The following SLC12A3 variants were observed in gnomAD, a reference collection of about 807,000 sequenced individuals.
SLC12A3 encodes Na-Cl cotransporter.
SLC12A3 carries 104 observed loss-of-function variants against 121.0 expected under a neutral mutation model. The ratio of observed to expected loss-of-function variants is 0.86; its 90% CI spans 0.73 to 1.01. The LOEUF is 1.01. Among genes scored for constraint, SLC12A3 ranks in the 50% least tolerant of loss-of-function variants. The pLI is 0.00. For synonymous variants in SLC12A3, 536 were observed against 533.4 expected, an observed-to-expected ratio of 1.00 and a Z score of -0.07; for missense variants, 1,328 against 1,356.3, an observed-to-expected ratio of 0.98 and a Z score of 0.33.
In SLC12A3 at chr16:56,886,351, C is replaced by A; in HGVS notation, c.1926-13C>A. 1 of 1,604,794 alleles carries A rather than the reference C, an allele frequency of 6.2e-7. No homozygotes were observed. The highest frequency in any genetic ancestry group is 8.5e-7 in the Non-Finnish European group (1 of 1,171,720). On this transcript the variant is annotated splice_polypyrimidine_tract_variant and intron_variant, in intron 15 of 25. Transcript: ENST00000563236. ...CTCCTGATGGCTCCTGCCCTTTTCC[C>A]TTCCCTCCTCAGCCCCCAGTGCCTG...
intron 25 of SLC12A3, among the ~76,000 whole-genome samples, chr16:56,907,319 T>A (rs6499859): frequency 0.24 from 36,508 of 151,996 alleles, 6,534 homozygotes; most frequent in African/African-American, 0.51. Context: ...TTAGCCAGGC[T>A]TGGTGGTGCA....
intron 12 of SLC12A3, among the ~76,000 whole-genome samples, chr16:56,881,246 G>A (rs2055236388): frequency 6.6e-6 from 1 of 152,212 alleles, no homozygotes. Context: ...TGCCCTGATA[G>A]CCTAGTCACT....
At position 56,867,090 on chromosome 16, in the gene SLC12A3, T is replaced by C. The variant is rs916369738; in HGVS notation, c.303T>C (p.His101=). Residue 101 remains histidine (H), a synonymous_variant, in exon 2 of 26, where the codon CAT becomes CAC. Transcript: ENST00000563236. ...GCCAGCAGGAAGGCAGACACCTGCA[T>C]GCCCTGGCCTTTGACAGCCGGCCCA... ...SFLKQEGRHL[H]ALAFDSRPSH... 1 of 1,613,512 alleles carries C rather than the reference T, an allele frequency of 6.2e-7. No homozygotes were observed. The highest frequency in any genetic ancestry group is 8.5e-7 in the Non-Finnish European group (1 of 1,180,038).
intron 8 of SLC12A3, among the ~76,000 whole-genome samples, chr16:56,873,290 G>A (rs1052344175): frequency 6.0e-5 from 9 of 150,834 alleles, no homozygotes; most frequent in East Asian, 1.9e-4. Flanking sequence ...CCTCCTCCAC[G>A]CCTTTGCCTG....
At chr16:56,876,601 G>A (rs1306918223) in intron 8 of SLC12A3, among the ~76,000 whole-genome samples, 1 of 151,546 alleles carries the variant, frequency 6.6e-6, no homozygotes, top group African/African-American at 2.4e-5. Context: ...GGAGGTCCCA[G>A]CAGACCTGGG....
chr16:56,905,202 G>A (rs7188248), intron 25 of SLC12A3, among the ~76,000 whole-genome samples: 9,564 of 152,004 alleles, frequency 0.063, 1,047 homozygotes, highest in African/African-American at 0.22. Flanking sequence ...AGCTGGGCGT[G>A]GTGGTGCATA....
At chr16:56,868,210 G>C (rs1333069896) in intron 2 of SLC12A3, 87 bp from the exon 3 acceptor site, 50 of 1,290,930 alleles carry the variant, frequency 3.9e-5, no homozygotes, top group Non-Finnish European at 5.5e-5. Flanking sequence ...CTAGGTGCTC[G>C]ATACCCTGCC....
rs796098416 is a variant in SLC12A3, at chr16:56,905,169, GTC to G, written c.2924+711_2924+712del. Among the ~76,000 whole-genome samples the G allele has an allele frequency of 6.0e-4, 91 of 151,924 alleles. 2 individuals carry two copies. The highest frequency in any genetic ancestry group is 2.1e-3 in the African/African-American group (86 of 41,416). On this transcript the variant is annotated intron_variant, in intron 25 of 25. Coordinates refer to ENST00000563236, the MANE Select transcript of SLC12A3 (RefSeq NM_001126108.2). Reference sequence around the variant, plus strand: ...AGCCTGACCAACATGGAGAAACCCCGTCTCTACTAAAAATACAAAATTAGCTG... The same window carrying G: ...AGCCTGACCAACATGGAGAAACCCCGTCTACTAAAAATACAAAATTAGCTG...
At position 56,913,388 on chromosome 16, in the gene SLC12A3, ACC is replaced by A; in HGVS notation, c.3050_3051del (p.Thr1017IlefsTer21). ...LIRGNQENVL[T>X]FYCQ The stretch of plus-strand genomic sequence containing the variant: ...CCGAGGAAACCAGGAAAACGTGCTC[ACC>A]TTTTACTGCCAGTAACTCCAGGCTT... On this transcript the variant is annotated frameshift_variant, in exon 26 of 26. Coordinates refer to ENST00000563236, the MANE Select transcript of SLC12A3 (RefSeq NM_001126108.2). LOFTEE classifies it high-confidence loss of function. 1 of 1,614,144 alleles carries A rather than the reference ACC, an allele frequency of 6.2e-7. No individual in the cohort carries two copies. The highest frequency in any genetic ancestry group is 2.2e-5 in the East Asian group (1 of 44,892).
rs1381096727 is a variant in SLC12A3, at chr16:56,878,109, C to G, written c.1128C>G (p.Leu376=). The change falls in exon 9 of 26, where the codon CTC becomes CTG. Residue 376 remains leucine, a synonymous_variant. Coordinates refer to ENST00000563236, the MANE Select transcript of SLC12A3 (RefSeq NM_001126108.2). ...CTATAGCCATCCCCAAGGGGACCCTCATGGCCATTTTCTGGACGACCATTT... is the reference window on the plus strand; with the variant it reads ...CTATAGCCATCCCCAAGGGGACCCTGATGGCCATTTTCTGGACGACCATTT... ...DPAIAIPKGT[L]MAIFWTTISY... The G allele has an allele frequency of 1.3e-6, 2 of 1,591,798 alleles. No homozygotes were observed. Among genetic ancestry groups the G allele is most frequent in the African/African-American group, 2.8e-5 (2 of 71,920 alleles).
chr16:56,870,132 C>T lies in SLC12A3; in HGVS notation c.638C>T (p.Pro213Leu), dbSNP rs1266782505. 2 of 1,613,984 alleles carry T rather than the reference C, an allele frequency of 1.2e-6. No homozygotes were observed. The highest frequency in any genetic ancestry group is 2.2e-5 in the South Asian group (2 of 91,090). The change falls in exon 5 of 26, where the codon CCA becomes CTA. Residue 213 changes from proline (P) to leucine (L), a missense_variant. Transcript: ENST00000563236. The part of the protein sequence containing the change: ...TYFLISRSLG[P>L]ELGGSIGLIF... ...TTCCTCATCTCCCGGAGTCTGGGCC[C>T]AGAGCTTGGGGGCTCCATCGGCCTC...
intron 1 of SLC12A3, among the ~76,000 whole-genome samples, chr16:56,866,188 A>G (rs1968493): frequency 0.71 from 107,495 of 151,824 alleles, 38,063 homozygotes; most frequent in Middle Eastern, 0.8. Flanking sequence ...GTTTTGCCAT[A>G]TTGGCCAGGC....
chr16:56,878,200 C>A, intron 9 of SLC12A3, 39 bp downstream of exon 9: 1 of 1,459,508 alleles, frequency 6.9e-7, no homozygotes, highest in Non-Finnish European at 9.6e-7. Context: ...GGGGAGGGAC[C>A]TGGCCTCCAC....
rs572490585 is a variant in SLC12A3 at position 56,884,007 on chromosome 16, T to A, written c.1670-42T>A. On this transcript the variant is annotated intron_variant, in intron 13 of 25. Transcript: ENST00000563236. ...CAGCAGCTCTGGCCTAGAAAGAGGC[T>A]CGACTGCCAGGCATGCCCACTGACT... is the stretch of plus-strand genomic sequence containing the variant. 13 of 1,611,422 alleles carry A rather than the reference T, an allele frequency of 8.1e-6. No homozygotes were observed. In the East Asian group the frequency reaches 2.7e-4, roughly 33 times the overall value.
rs37029 is a variant in SLC12A3, at chr16:56,915,256, A to G, written c.*1851A>G. 0.59 allele frequency: 90,280 copies of G among 152,142 alleles called. 27,486 individuals are homozygous for G. The highest frequency in any genetic ancestry group is 0.72 in the African/African-American group (30,063 of 41,504). 9.4% of individuals were successfully genotyped at this position (152,142 alleles called of 1,614,324 possible). A position where few individuals can be genotyped will look rare whatever the true frequency, so the allele number is the denominator to read the frequency against. On this transcript the variant is annotated 3_prime_UTR_variant, in exon 26 of 26. Transcript: ENST00000563236. ...GAAGGAACAGACATCTTTGGGTTTC[A>G]TCAGCCTCCTCCAAGACTGCTGCAG...
At position 56,868,979 on chromosome 16, in the gene SLC12A3, AAAT is replaced by A. The variant is rs1222506812; in HGVS notation, c.505+610_505+612del. Among the ~76,000 whole-genome samples, 9 of 141,684 alleles carry A rather than the reference AAAT, an allele frequency of 6.4e-5. No individual in the cohort carries two copies. In the South Asian group the frequency reaches 1.4e-3, roughly 22 times the overall value. 93.0% of individuals were successfully genotyped at this position (141,684 alleles called of 152,430 possible). A position where few individuals can be genotyped will look rare whatever the true frequency, so the allele number is the denominator to read the frequency against. ...AGAGTGTGAAACTCCATCTCAAAAAAAATAAAAAATAAAAAAGAAAGCTGCATT... is the reference window on the plus strand; with the variant it reads ...AGAGTGTGAAACTCCATCTCAAAAAAAAAAAATAAAAAAGAAAGCTGCATT... On this transcript the variant is annotated intron_variant, in intron 3 of 25. Coordinates refer to ENST00000563236, the MANE Select transcript of SLC12A3 (RefSeq NM_001126108.2).
chr16:56,904,151 T>TA, intron 24 of SLC12A3: 1 of 474,108 alleles, frequency 2.1e-6, no homozygotes, highest in Middle Eastern at 5.4e-4. Flanking sequence ...CTGCTGGTTA[T>TA]GGTCATAAAG....
At chr16:56,912,470 G>A (rs561156532) in intron 25 of SLC12A3, among the ~76,000 whole-genome samples, 3 of 152,330 alleles carry the variant, frequency 2.0e-5, no homozygotes, top group South Asian at 4.1e-4. Context: ...CAGGAGGCAG[G>A]ACAAAGACGC....
chr16:56,908,637 G>A (rs1383819173), intron 25 of SLC12A3, among the ~76,000 whole-genome samples: 3 of 152,194 alleles, frequency 2.0e-5, no homozygotes, highest in Non-Finnish European at 4.4e-5. Context: ...GCACACCCAG[G>A]AAGCTGGCTC....
Sources: gnomAD v4.1 joint callset for allele counts (sites outside exome capture counted in the v4.1 genomes callset) on GRCh38, gnomAD v4.1.1 for gene constraint, MANE v1.5 for transcripts, NCBI Gene and HGNC (gene_info 2026-07-23, HGNC 2026-07-21) for gene names.